The following ADGRL2 variants were observed in gnomAD, a reference collection of about 807,000 sequenced individuals.
ADGRL2 encodes the protein calcium-independent alpha-latrotoxin receptor 2.
A neutral mutation model predicts 157.4 loss-of-function variants in ADGRL2; 44 were observed. The ratio of observed to expected loss-of-function variants is 0.28; its 90% confidence interval spans 0.22 to 0.36. The LOEUF is 0.36. ADGRL2 is among the 10% of genes least tolerant of loss of function. ADGRL2 has a pLI of 1.00. For synonymous variants in ADGRL2, 585 were observed against 624.7 expected (o/e 0.94, Z 0.95); for missense variants, 1,510 against 1,768.9 (o/e 0.85, Z 2.63).
intron 1 of ADGRL2, among the ~76,000 whole-genome samples, chr1:81,350,484 T>C (rs758339905): frequency 6.6e-6 from 1 of 152,202 alleles, no homozygotes; most frequent in Non-Finnish European, 1.5e-5. Context: ...AAAGAATTGC[T>C]AAGATTTGAA....
At chr1:81,603,286 T>C (rs987418668) in intron 3 of ADGRL2, among the ~76,000 whole-genome samples, 1 of 152,220 alleles carries the variant, frequency 6.6e-6, no homozygotes, top group Non-Finnish European at 1.5e-5. Flanking sequence ...TACTTTATTG[T>C]ACTTTCCTTA....
rs952743543 is a variant in ADGRL2, at chr1:81,475,385, C to T, written c.-248+30296C>T. Among the ~76,000 whole-genome samples, 6 of 152,144 alleles carry T rather than the reference C, an allele frequency of 3.9e-5. 1 individual carries two copies. Among genetic ancestry groups the T allele is most frequent in the African/African-American group, 1.2e-4 (5 of 41,460 alleles). On this transcript the variant is annotated intron_variant, in intron 2 of 24. Transcript: ENST00000370721. ...CGTCTTGACAACTCTTCCTCTTTCT[C>T]TGCTGTCTGACATCTTTGCTCAAAG... is the stretch of plus-strand genomic sequence containing the variant.
intron 1 of ADGRL2, among the ~76,000 whole-genome samples, chr1:81,441,018 G>A (rs912207020): frequency 1.3e-5 from 2 of 151,940 alleles, no homozygotes; most frequent in African/African-American, 4.8e-5. Flanking sequence ...CATAACACAT[G>A]TTTCTCTCTC....
At chr1:81,879,618 A>T (rs577951569) in intron 2 of ADGRL2, among the ~76,000 whole-genome samples, 2 of 152,154 alleles carry the variant, frequency 1.3e-5, no homozygotes, top group Non-Finnish European at 2.9e-5. Context: ...TCTTCTTCTG[A>T]AAAAAATCAA....
chr1:81,501,990 C>A, intron 2 of ADGRL2: 1 of 1,611,422 alleles, frequency 6.2e-7, no homozygotes, highest in African/African-American at 1.3e-5. Flanking sequence ...GGTCCCTTAG[C>A]CAGAGTTCCA....
At chr1:81,532,259 A>G (rs115033138) in intron 2 of ADGRL2, among the ~76,000 whole-genome samples, 3,011 of 152,228 alleles carry the variant, frequency 0.02, 96 homozygotes, top group African/African-American at 0.069. Flanking sequence ...TATTATACAT[A>G]ATTGTCATTT....
intron 1 of ADGRL2, among the ~76,000 whole-genome samples, chr1:81,325,606 G>A (rs1660842758): frequency 1.3e-5 from 2 of 152,190 alleles, no homozygotes; most frequent in African/African-American, 4.8e-5. Flanking sequence ...AGGTCAGCCA[G>A]CCCCACACCC....
At chr1:81,641,511 G>A (rs370308668) in intron 3 of ADGRL2, among the ~76,000 whole-genome samples, 20 of 152,194 alleles carry the variant, frequency 1.3e-4, no homozygotes, top group East Asian at 3.9e-4. Context: ...ACTGAAAATC[G>A]ACAACAGAAA....
At chr1:81,645,416 A>ATT (rs1299123298) in intron 3 of ADGRL2, among the ~76,000 whole-genome samples, 21 of 146,706 alleles carry the variant, frequency 1.4e-4, no homozygotes, top group Admixed American at 1.0e-3. Context: ...AAAAAAAAAA[A>ATT]AAATTAAATT....
At chr1:81,807,927 T>C (rs1210060118) in intron 1 of ADGRL2, among the ~76,000 whole-genome samples, 2 of 151,818 alleles carry the variant, frequency 1.3e-5, no homozygotes, top group Middle Eastern at 3.2e-3. Flanking sequence ...TATATTCTTA[T>C]CCAACAGTTT....
At chr1:81,365,188 A>G (rs1219591464) in intron 1 of ADGRL2, among the ~76,000 whole-genome samples, 2 of 152,198 alleles carry the variant, frequency 1.3e-5, no homozygotes, top group Non-Finnish European at 2.9e-5. Context: ...AATTTCTGTC[A>G]TGTCAGTCCA....
At chr1:81,460,765 T>C (rs1034171453) in intron 2 of ADGRL2, among the ~76,000 whole-genome samples, 2 of 152,170 alleles carry the variant, frequency 1.3e-5, no homozygotes, top group African/African-American at 4.8e-5. Flanking sequence ...TCCTACCAAA[T>C]TGCCTCTGAA....
At chr1:81,671,441 C>T (rs2148917594) in intron 3 of ADGRL2, among the ~76,000 whole-genome samples, 1 of 152,178 alleles carries the variant, frequency 6.6e-6, no homozygotes, top group South Asian at 2.1e-4. Context: ...TTAATGTGCA[C>T]AGAAATCATC....
In ADGRL2 at chr1:81,769,902, C is replaced by T. The variant is rs113593013; in HGVS notation, c.-101+8050C>T. On this transcript the variant is annotated intron_variant, in intron 2 of 20. Transcript: ENST00000359929. ...TTTTTGAGATGGAGTCTTGCTCTGT[C>T]ATCCAGGCTGGAGTGCAATGGCACG... Among the ~76,000 whole-genome samples, 152 of 151,484 alleles carry T rather than the reference C, an allele frequency of 1.0e-3. 2 individuals are homozygous for T. Among genetic ancestry groups the T allele is most frequent in the African/African-American group, 3.4e-3 (142 of 41,298 alleles).
At chr1:81,562,954 T>G (rs1249194459) in intron 2 of ADGRL2, among the ~76,000 whole-genome samples, 1 of 152,188 alleles carries the variant, frequency 6.6e-6, no homozygotes, top group Non-Finnish European at 1.5e-5. Context: ...CAACAATATG[T>G]CTGTATTTCT....
intron 2 of ADGRL2, among the ~76,000 whole-genome samples, chr1:81,513,537 G>A (rs1168316293): frequency 6.6e-6 from 1 of 152,108 alleles, no homozygotes; most frequent in Non-Finnish European, 1.5e-5. Flanking sequence ...GGAAGGACTA[G>A]TATCTTCATG....
At chr1:81,580,102 T>C (rs2080877461) in intron 2 of ADGRL2, among the ~76,000 whole-genome samples, 1 of 152,160 alleles carries the variant, frequency 6.6e-6, no homozygotes. Flanking sequence ...TCGTTTGTGG[T>C]TGAAAACTGA....
intron 1 of ADGRL2, among the ~76,000 whole-genome samples, chr1:81,320,789 C>T (rs1396476721): frequency 6.6e-6 from 1 of 152,102 alleles, no homozygotes; most frequent in Non-Finnish European, 1.5e-5. Flanking sequence ...TAGCATAATT[C>T]TCGAGTAGAT....
intron 3 of ADGRL2, among the ~76,000 whole-genome samples, chr1:81,589,931 A>G (rs2081099025): frequency 6.6e-6 from 1 of 152,184 alleles, no homozygotes; most frequent in Non-Finnish European, 1.5e-5. Context: ...CCACTGTGAA[A>G]TAAGTCTAGA....
Sources: gnomAD v4.1 joint callset for allele counts (sites outside exome capture counted in the v4.1 genomes callset) on GRCh38, gnomAD v4.1.1 for gene constraint, MANE v1.5 for transcripts, NCBI Gene and HGNC (gene_info 2026-07-23, HGNC 2026-07-21) for gene names.